Variants in ZNF528 observed in about 807,000 individuals in gnomAD.
ZNF528 encodes the protein zinc finger protein 528.
A neutral mutation model predicts 13.3 loss-of-function variants in ZNF528; 9 were observed. The ratio of observed to expected loss-of-function variants is 0.67; its 90% CI spans 0.41 to 1.18. The LOEUF is 1.18. ZNF528 is among the 50% of genes most tolerant of loss of function. The pLI is 0.01. For missense variants in ZNF528, 858 were observed against 745.4 expected (o/e 1.15, Z -1.76); for synonymous variants, 264 against 254.3 (o/e 1.04, Z -0.36).
intron 2 of ZNF528, among the ~76,000 whole-genome samples, chr19:52,400,264 A>ACACG (rs1491394528): frequency 5.5e-5 from 8 of 145,938 alleles, no homozygotes; most frequent in African/African-American, 2.0e-4. Context: ...ACACACACAC[A>ACACG]CGCCTTTATT....
intron 4 of ZNF528, among the ~76,000 whole-genome samples, chr19:52,404,008 T>C (rs2058826301): frequency 6.6e-6 from 1 of 152,194 alleles, no homozygotes; most frequent in Non-Finnish European, 1.5e-5. Flanking sequence ...TTTTTAATCC[T>C]TGAACTTGTT....
chr19:52,416,250 A>G lies in ZNF528; in HGVS notation c.1398A>G (p.Glu466=), dbSNP rs748175468. 11 of 1,613,884 alleles carry G rather than the reference A, an allele frequency of 6.8e-6. No individual in the cohort carries two copies. The highest frequency in any genetic ancestry group is 7.6e-6 in the Non-Finnish European group (9 of 1,179,952). ...TCCATAGTGGAGAGAAACCTTATGAATGTAAAGAATGTGGCAAAGTCTTCA... is the reference window on the plus strand; with the variant it reads ...TCCATAGTGGAGAGAAACCTTATGAGTGTAAAGAATGTGGCAAAGTCTTCA... The part of the protein sequence containing the change: ...FLIHSGEKPY[E]CKECGKVFRY... The change falls in exon 7 of 7, where the codon GAA becomes GAG. Residue 466 remains glutamate, a synonymous_variant. Coordinates refer to ENST00000360465, the MANE Select transcript of ZNF528 (RefSeq NM_032423.3).
In ZNF528 at chr19:52,415,400, A is replaced by C. The variant is rs762864246; in HGVS notation, c.548A>C (p.Glu183Ala). The stretch of plus-strand genomic sequence containing the variant: ...CAAGAACAGAAAGCACACATTAGGG[A>C]AAAAGCTTATAAATGTAATGAGCAC... ...LPQEQKAHIR[E>A]KAYKCNEHGQ... The change falls in exon 7 of 7, where the codon GAA (glutamate) becomes GCA (alanine). Residue 183 changes from glutamate to alanine, a missense_variant. Transcript: ENST00000360465. 1.2e-6 allele frequency: 2 copies of C among 1,614,156 alleles called. No homozygotes were observed. The highest frequency in any genetic ancestry group is 1.6e-4 in the Middle Eastern group (1 of 6,062).
At chr19:52,413,174 TGTGAACGCTGCTGATAAGCAGCAGCTG>T (rs1238870887) in intron 6 of ZNF528, 2 of 152,174 alleles carry the variant, frequency 1.3e-5, no homozygotes, top group African/African-American at 4.8e-5. Context: ...TTTAGCAGCC[TGTGAACGCTGCTGATAAGCAGCAGCTG>T]GGGGTGCCAT....
chr19:52,414,951 T>C, intron 6 of ZNF528, 173 bp from the exon 7 acceptor site: 1 of 1,531,794 alleles, frequency 6.5e-7, no homozygotes, highest in Non-Finnish European at 8.8e-7. Context: ...TCCCCACTGC[T>C]CCAATGCATC....
At chr19:52,407,043 C>T (rs1381732436) in intron 6 of ZNF528, 2 of 203,506 alleles carry the variant, frequency 9.8e-6, no homozygotes, top group African/African-American at 4.6e-5. Context: ...TTCCTGGGCT[C>T]AAGTGGTCCT....
At chr19:52,406,192 C>T (rs1056873226) in intron 5 of ZNF528, among the ~76,000 whole-genome samples, 159 bp downstream of exon 5, 3 of 152,170 alleles carry the variant, frequency 2.0e-5, no homozygotes, top group African/African-American at 7.2e-5. Flanking sequence ...CTTGAAATGT[C>T]CCCTTTCTTC....
chr19:52,400,563 C>T (rs12461444), intron 2 of ZNF528, among the ~76,000 whole-genome samples: 16,061 of 151,978 alleles, frequency 0.11, 1,465 homozygotes, highest in African/African-American at 0.23. Context: ...GCTCTGTCAC[C>T]CAAGCTGGCA....
intron 6 of ZNF528, among the ~76,000 whole-genome samples, chr19:52,407,869 C>CT (rs1442111094): frequency 6.6e-6 from 1 of 151,964 alleles, no homozygotes; most frequent in Non-Finnish European, 1.5e-5. Flanking sequence ...TGCACCACCA[C>CT]GCCTGGCTAA....
intron 4 of ZNF528, among the ~76,000 whole-genome samples, chr19:52,404,781 T>C (rs1222618994): frequency 6.6e-6 from 1 of 151,406 alleles, no homozygotes; most frequent in Non-Finnish European, 1.5e-5. Context: ...CTATTTTTAG[T>C]AGAGACAGGG....
intron 2 of ZNF528, among the ~76,000 whole-genome samples, chr19:52,398,927 A>G (rs1348133839): frequency 2.0e-5 from 3 of 152,134 alleles, no homozygotes; most frequent in Non-Finnish European, 2.9e-5. Flanking sequence ...AATATCGAAG[A>G]TGGAATTTAA....
intron 6 of ZNF528, among the ~76,000 whole-genome samples, chr19:52,407,822 C>G (rs563190803): frequency 6.6e-6 from 1 of 152,098 alleles, no homozygotes; most frequent in Admixed American, 6.5e-5. Context: ...TTCAACGTTA[C>G]ATGCCTCTGC....
In ZNF528 at chr19:52,405,955, T is replaced by C; in HGVS notation, c.64T>C (p.Trp22Arg). The change falls in exon 5 of 7, where the codon TGG becomes CGG. Residue 22 changes from tryptophan (W) to arginine (R), a missense_variant. Physicochemically the swap from Trp to Arg is moderately radical, Grantham distance 101. Coordinates refer to ENST00000360465, the MANE Select transcript of ZNF528 (RefSeq NM_032423.3). ...GGCCATAGAGTTCTCTCAGGAAGAG[T>C]GGAAATGCCTGGACCCTGCGCAGAG... The part of the protein sequence containing the change: ...DVAIEFSQEE[W>R]KCLDPAQRTL... 1 of 1,611,888 alleles carries C rather than the reference T, an allele frequency of 6.2e-7. No homozygotes were observed.
In ZNF528 at chr19:52,402,243, G is replaced by A. The variant is rs74428658; in HGVS notation, c.15+215G>A. Among the ~76,000 whole-genome samples the A allele has an allele frequency of 1.6e-3, 246 of 152,126 alleles. 4 individuals are homozygous for A. The East Asian group carries it at 0.034, about 21-fold the overall frequency. The stretch of plus-strand genomic sequence containing the variant: ...GAAGAGGCTGCACTGGGCATGGTCC[G>A]GGGGAGGGCTCTCAGCAGACATGGA... On this transcript the variant is annotated intron_variant, in intron 4 of 6. Coordinates refer to ENST00000360465, the MANE Select transcript of ZNF528 (RefSeq NM_032423.3).
intron 6 of ZNF528, among the ~76,000 whole-genome samples, chr19:52,410,965 C>T (rs767028046): frequency 3.9e-5 from 6 of 152,232 alleles, no homozygotes; most frequent in African/African-American, 4.8e-5. Context: ...TTTCTATGGC[C>T]GTACACTCCT....
intron 4 of ZNF528, among the ~76,000 whole-genome samples, chr19:52,405,452 G>A (rs1257838513): frequency 1.3e-5 from 2 of 151,978 alleles, no homozygotes; most frequent in Non-Finnish European, 2.9e-5. Flanking sequence ...GATGACTTGA[G>A]TTTAGGAGGC....
At chr19:52,400,686 A>G (rs62110160) in intron 2 of ZNF528, among the ~76,000 whole-genome samples, 6,164 of 151,920 alleles carry the variant, frequency 0.041, 167 homozygotes, top group Non-Finnish European at 0.06. Context: ...TGCGTGGCTG[A>G]TTGAAAAAAA....
chr19:52,411,455 A>G (rs2058930209), intron 6 of ZNF528: 1 of 152,188 alleles, frequency 6.6e-6, no homozygotes, highest in Admixed American at 6.5e-5. Flanking sequence ...CTCTCAAATC[A>G]TGCAGCAGTC....
Position 52,406,026 on chromosome 19 carries a change from C to A in ZNF528, c.135C>A (p.Val45=), listed in dbSNP as rs778159726. Residue 45 remains valine (V), a synonymous_variant, in exon 5 of 7, where the codon GTC becomes GTA. Transcript: ENST00000360465. ...TGTTGGAGAATTATAGGAACCTGGT[C>A]TCCCTGGGTGAGGATAATGTCCCCT... is the stretch of plus-strand genomic sequence containing the variant. ...DVMLENYRNL[V]SLGICLPDLS... The A allele has an allele frequency of 5.0e-6, 8 of 1,610,018 alleles. No individual in the cohort carries two copies. Among genetic ancestry groups the A allele is most frequent in the African/African-American group, 1.3e-5 (1 of 74,820 alleles).
Sources: gnomAD v4.1 joint callset for allele counts (sites outside exome capture counted in the v4.1 genomes callset) on GRCh38, gnomAD v4.1.1 for gene constraint, MANE v1.5 for transcripts, NCBI Gene and HGNC (gene_info 2026-07-23, HGNC 2026-07-21) for gene names.